Variants in TSHZ3 observed in about 807,000 individuals in gnomAD.
TSHZ3 encodes teashirt zinc finger homeobox 3.
Under a neutral mutation model 64.5 loss-of-function variants are expected in TSHZ3, and 10 were observed. The observed-to-expected ratio is 0.16, with a 90% CI of 0.10 to 0.26. The LOEUF is 0.26. TSHZ3 is among the 10% of genes least tolerant of loss of function. TSHZ3 has a pLI of 1.00. For synonymous variants in TSHZ3, 608 were observed against 593.1 expected, an observed-to-expected ratio of 1.03 and a Z score of -0.36; for missense variants, 1,242 against 1,421.7, an observed-to-expected ratio of 0.87 and a Z score of 2.03.
At chr19:31,169,792 C>A (rs1297075185) in intron 5 of TSHZ3, among the ~76,000 whole-genome samples, 1 of 152,090 alleles carries the variant, frequency 6.6e-6, no homozygotes, top group Non-Finnish European at 1.5e-5. Context: ...TGCAAAGTTC[C>A]AAAGACAGAA....
intron 4 of TSHZ3, among the ~76,000 whole-genome samples, chr19:31,212,050 C>T (rs948598454): frequency 6.8e-6 from 1 of 146,506 alleles, no homozygotes; most frequent in Admixed American, 6.8e-5. Context: ...TTCTTTCTCT[C>T]TTTTTTTTTT....
chr19:31,229,383 C>A (rs1975510838), intron 3 of TSHZ3, among the ~76,000 whole-genome samples: 1 of 152,076 alleles, frequency 6.6e-6, no homozygotes, highest in Admixed American at 6.5e-5. Flanking sequence ...AGAATCTATT[C>A]CATAATAGGA....
At chr19:31,257,908 T>C (rs1292448473) in intron 1 of TSHZ3, among the ~76,000 whole-genome samples, 1 of 152,198 alleles carries the variant, frequency 6.6e-6, no homozygotes, top group East Asian at 1.9e-4. Flanking sequence ...CATGGGTCTT[T>C]GCCGAGGGCT....
At position 31,276,971 on chromosome 19, in the gene TSHZ3, A is replaced by T. The variant is rs1976248776; in HGVS notation, c.2822T>A (p.Leu941Gln). 1 of 1,613,824 alleles carries T rather than the reference A, an allele frequency of 6.2e-7. No homozygotes were observed. Among genetic ancestry groups the T allele is most frequent in the Admixed American group, 1.7e-5 (1 of 60,004 alleles). The change falls in exon 2 of 2, where the codon CTG becomes CAG. Residue 941 changes from leucine (L) to glutamine (Q), a missense_variant. Around this residue, in one of 4 missense-constraint regions of TSHZ3, gnomAD observed 550 missense variants for 545.1 expected, o/e 1.01. Coordinates refer to ENST00000240587, the MANE Select transcript of TSHZ3 (RefSeq NM_020856.4). Reference protein sequence around the residue: ...ERMHISRFTGLSMTTISHWLA... With the variant: ...ERMHISRFTGQSMTTISHWLA... ...CCAGTGGCTGATGGTGGTCATGGAC[A>T]GCCCGGTGAACCTGGAGATATGCAT... is the stretch of plus-strand genomic sequence containing the variant.
chr19:31,282,603 C>T (rs576851633), intron 1 of TSHZ3, among the ~76,000 whole-genome samples: 1 of 152,292 alleles, frequency 6.6e-6, no homozygotes, highest in South Asian at 2.1e-4. Context: ...TCCGGAGCAC[C>T]CCTCCCCAAC....
chr19:31,213,360 A>AAAAAAG, intron 4 of TSHZ3, among the ~76,000 whole-genome samples: 1 of 120,344 alleles, frequency 8.3e-6, no homozygotes, highest in Admixed American at 7.8e-5. Context: ...CTGTCTCAAA[A>AAAAAAG]AAAAAAAAAA....
chr19:31,281,129 C>T (rs1279031004), intron 1 of TSHZ3, among the ~76,000 whole-genome samples: 1 of 152,082 alleles, frequency 6.6e-6, no homozygotes, highest in Non-Finnish European at 1.5e-5. Flanking sequence ...CTGATTTCTA[C>T]AAAAAGCTCT....
chr19:31,221,780 C>T (rs73927311), intron 4 of TSHZ3, among the ~76,000 whole-genome samples: 2,647 of 152,296 alleles, frequency 0.017, 75 homozygotes, highest in African/African-American at 0.059. Context: ...AAATATGGTG[C>T]ACTTCCTGGT....
chr19:31,214,300 T>C (rs1475751121), intron 4 of TSHZ3, among the ~76,000 whole-genome samples: 1 of 152,152 alleles, frequency 6.6e-6, no homozygotes, highest in Non-Finnish European at 1.5e-5. Context: ...AGACAGATCA[T>C]TGAATTCTCA....
In TSHZ3 at chr19:31,291,689, C is replaced by T. The variant is rs569958919; in HGVS notation, c.41-11937G>A. 2.0e-5 allele frequency among the ~76,000 whole-genome samples: 3 copies of T among 152,364 alleles called. 1 individual carries two copies. The South Asian group carries it at 6.2e-4, about 32-fold the overall frequency. ...CTTTGGGGACCATCTGAGTCACCTA[C>T]TGTCCTTGGCTTCAAGCACATTTAA... On this transcript the variant is annotated intron_variant, in intron 1 of 1. Transcript: ENST00000240587.
Position 31,277,552 on chromosome 19 carries a change from C to T in TSHZ3, c.2241G>A (p.Met747Ile), listed in dbSNP as rs751777610. 2.5e-6 allele frequency: 4 copies of T among 1,601,298 alleles called. No homozygotes were observed. The highest frequency in any genetic ancestry group is 1.7e-5 in the Admixed American group (1 of 59,132). ...AKPSLPALDP[M>I]SMLFKMSNSL... is the part of the protein sequence containing the mutation. ...TGTTGCTCATCTTGAAAAGCATGCT[C>T]ATGGGGTCCAGGGCAGGCAGGGAGG... The change falls in exon 2 of 2, where the codon ATG (methionine) becomes ATA (isoleucine). Residue 747 changes from methionine to isoleucine, a missense_variant. By Grantham distance (10) the Met-to-Ile change is conservative. Around this residue, in one of 4 missense-constraint regions of TSHZ3, gnomAD observed 550 missense variants for 545.1 expected, o/e 1.01. Coordinates refer to ENST00000240587, the MANE Select transcript of TSHZ3 (RefSeq NM_020856.4). This position sits in a 1 kb window ranked among gnomAD's most constrained non-coding sequence, Gnocchi z 4.5.
chr19:31,175,194 T>G (rs1032437049), intron 5 of TSHZ3, among the ~76,000 whole-genome samples: 2 of 152,198 alleles, frequency 1.3e-5, no homozygotes, highest in Non-Finnish European at 2.9e-5. Flanking sequence ...ACAGGTCAGT[T>G]TCCTGCACAG....
intron 3 of TSHZ3, among the ~76,000 whole-genome samples, chr19:31,230,824 C>G (rs1016331069): frequency 5.9e-5 from 9 of 151,624 alleles, no homozygotes; most frequent in Non-Finnish European, 7.4e-5. Context: ...CTCAGCCTCC[C>G]AAGTAGCTGG....
At chr19:31,200,115 G>T (rs1485904831) in intron 5 of TSHZ3, among the ~76,000 whole-genome samples, 1 of 151,998 alleles carries the variant, frequency 6.6e-6, no homozygotes. Context: ...ACTCATTGCT[G>T]GTGGGAATGC....
chr19:31,237,326 T>G (rs2145180924), intron 3 of TSHZ3, among the ~76,000 whole-genome samples: 1 of 152,184 alleles, frequency 6.6e-6, no homozygotes, highest in East Asian at 1.9e-4. Context: ...GATTGCAATA[T>G]GTCCTTATGA....
chr19:31,183,358 C>T (rs754039651), intron 5 of TSHZ3, among the ~76,000 whole-genome samples: 3 of 152,112 alleles, frequency 2.0e-5, no homozygotes, highest in South Asian at 2.1e-4. Flanking sequence ...CCTCGACACC[C>T]GGCTTAGGTC....
At chr19:31,170,438 C>T (rs1414774622) in intron 5 of TSHZ3, among the ~76,000 whole-genome samples, 1 of 152,124 alleles carries the variant, frequency 6.6e-6, no homozygotes, top group African/African-American at 2.4e-5. Flanking sequence ...TGTAGGGCCT[C>T]AACATATGAT....
intron 3 of TSHZ3, among the ~76,000 whole-genome samples, chr19:31,235,580 CTCTTTTTTCTT>C (rs1209843495): frequency 1.9e-4 from 28 of 149,914 alleles, no homozygotes; most frequent in Non-Finnish European, 3.5e-4. Context: ...TTCTTTCCTT[CTCTTTTTTCTT>C]TCTTTTTTCT....
chr19:31,349,261 T>A lies in TSHZ3; in HGVS notation c.-42A>T. The A allele has an allele frequency of 6.6e-7, 1 of 1,517,212 alleles. No homozygotes were observed. The highest frequency in any genetic ancestry group is 8.8e-7 in the Non-Finnish European group (1 of 1,136,560). The allele number at this position is 1,517,212 out of a possible 1,614,324, so 94.0% of individuals were successfully genotyped here. On this transcript the variant is annotated 5_prime_UTR_variant, in exon 1 of 2. Transcript: ENST00000240587. ...CTGCCACTGCCGCCGCCGCCGCCGC[T>A]GCCGGGCTGAGGACAGGGAGGGAGG...
Sources: gnomAD v4.1 joint callset for allele counts (sites outside exome capture counted in the v4.1 genomes callset) on GRCh38, gnomAD v4.1.1 for gene constraint, gnomAD v4.1.1 regional missense constraint, Gnocchi (gnomAD v3.1) non-coding constraint, MANE v1.5 for transcripts, NCBI Gene and HGNC (gene_info 2026-07-23, HGNC 2026-07-21) for gene names.